The following DOT1L variants were observed in gnomAD, a reference collection of about 807,000 sequenced individuals.
The protein encoded by DOT1L is histone-lysine N-methyltransferase, H3 lysine-79 specific.
DOT1L carries 33 observed loss-of-function variants against 153.3 expected under a neutral mutation model. The ratio of observed to expected loss-of-function variants is 0.22; its 90% confidence interval spans 0.16 to 0.29. The LOEUF is 0.29. DOT1L is among the 10% of genes least tolerant of loss of function. DOT1L has a pLI of 1.00. For synonymous variants in DOT1L, 1,135 were observed against 965.1 expected (o/e 1.18, Z -3.26); for missense variants, 1,847 against 2,119.9 (o/e 0.87, Z 2.53).
chr19:2,228,700 T>A, intron 27 of DOT1L: 1 of 985,358 alleles, frequency 1.0e-6, no homozygotes, highest in Non-Finnish European at 1.2e-6. Context: ...GCCAGGGGGC[T>A]GGGAGCTCTA....
In DOT1L at chr19:2,220,493, C is replaced by T. The variant is rs769848150; in HGVS notation, c.2806+271C>T. ...GGTGTATTAATTCAGCCCGTGAGGT[C>T]GGCCCCAGTGCTCTCGGGGGCTCCT... On this transcript the variant is annotated intron_variant, in intron 23 of 27. Transcript: ENST00000398665. This position sits in a 1 kb window ranked among gnomAD's most constrained non-coding sequence, Gnocchi z 4.5. 3.1e-5 allele frequency: 17 copies of T among 555,242 alleles called. No individual in the cohort carries two copies. The highest frequency in any genetic ancestry group is 9.4e-5 in the African/African-American group (5 of 53,354). 34.4% of individuals were successfully genotyped at this position (555,242 alleles called of 1,614,324 possible). A position where few individuals can be genotyped will look rare whatever the true frequency, so the allele number is the denominator to read the frequency against.
intron 8 of DOT1L, 44 bp from the exon 9 acceptor site, chr19:2,202,656 T>C: frequency 6.3e-7 from 1 of 1,592,308 alleles, no homozygotes; most frequent in Non-Finnish European, 8.6e-7. Context: ...GCTGTGCCCG[T>C]GAGACGAGCC....
chr19:2,219,064 G>T (rs1238310463), intron 22 of DOT1L, among the ~76,000 whole-genome samples: 1 of 152,206 alleles, frequency 6.6e-6, no homozygotes, highest in African/African-American at 2.4e-5. Flanking sequence ...TAGAGACAGG[G>T]TTTCACCATC....
At chr19:2,164,676 TCTC>T (rs1403485027) in intron 1 of DOT1L, among the ~76,000 whole-genome samples, 1 of 150,862 alleles carries the variant, frequency 6.6e-6, no homozygotes, top group Non-Finnish European at 1.5e-5. Flanking sequence ...TGTCTCCTCT[TCTC>T]TTCTTTTTAA....
At chr19:2,225,323 A>G (rs2024281483) in intron 25 of DOT1L, 65 bp from the exon 26 acceptor site, 10 of 1,511,162 alleles carry the variant, frequency 6.6e-6, no homozygotes, top group Admixed American at 1.7e-5. Flanking sequence ...GTTGGCTGTC[A>G]GCATTTGTGT....
intron 1 of DOT1L, among the ~76,000 whole-genome samples, chr19:2,176,067 G>T (rs36051469): frequency 4.4e-4 from 67 of 152,222 alleles, no homozygotes; most frequent in African/African-American, 1.3e-3. Context: ...TGCTGGAAAC[G>T]CCTCTTGGCC....
At chr19:2,176,914 C>T (rs2144681590) in intron 1 of DOT1L, among the ~76,000 whole-genome samples, 1 of 152,330 alleles carries the variant, frequency 6.6e-6, no homozygotes, top group East Asian at 1.9e-4. Context: ...GCCGTGGGCC[C>T]TGACAGTGAG....
intron 2 of DOT1L, among the ~76,000 whole-genome samples, chr19:2,184,744 C>T (rs144639323): frequency 1.2e-4 from 18 of 152,324 alleles, no homozygotes; most frequent in African/African-American, 3.8e-4. Flanking sequence ...TCCGTACTCG[C>T]CCACACGGGG....
At chr19:2,223,543 G>A in intron 25 of DOT1L, 57 bp downstream of exon 25, 1 of 617,434 alleles carries the variant, frequency 1.6e-6, no homozygotes, top group South Asian at 1.8e-5. Context: ...GGAGGTGCCT[G>A]CTCACTGTGT....
intron 2 of DOT1L, among the ~76,000 whole-genome samples, chr19:2,184,598 C>T (rs929911771): frequency 4.6e-5 from 7 of 152,146 alleles, no homozygotes; most frequent in Non-Finnish European, 8.8e-5. Context: ...CAGGTGGCTG[C>T]GGAAGGTGGG....
intron 27 of DOT1L, chr19:2,229,439 C>G (rs1218359576): frequency 2.0e-6 from 2 of 985,350 alleles, no homozygotes; most frequent in Non-Finnish European, 2.4e-6. Context: ...CAGGGCTGGT[C>G]AGCCTGGCGG....
rs1220054287 is a variant in DOT1L at position 2,190,400 on chromosome 19, T to C, written c.264+605T>C. Among the ~76,000 whole-genome samples, 1 of 151,496 alleles carries C rather than the reference T, an allele frequency of 6.6e-6. No homozygotes were observed. The highest frequency in any genetic ancestry group is 2.4e-5 in the African/African-American group (1 of 41,192). On this transcript the variant is annotated intron_variant, in intron 4 of 27. Transcript: ENST00000398665. The surrounding 1 kb of genome is among the most constrained non-coding windows in gnomAD (Gnocchi z 4.8). ...GCTGTGGAGGGAGCCCTGGTGGGGG[T>C]GGCATGGGCTCACTTGGCCCTCCTG...
intron 15 of DOT1L, 47 bp downstream of exon 15, chr19:2,211,259 A>G (rs1262751297): frequency 6.6e-7 from 1 of 1,506,592 alleles, no homozygotes; most frequent in Non-Finnish European, 9.0e-7. Context: ...GCTTGGGGTC[A>G]TCCCAGGAGG....
Position 2,217,047 on chromosome 19 carries a change from C to A in DOT1L, c.2501C>A (p.Ser834Tyr), listed in dbSNP as rs750665206. 6 of 1,611,572 alleles carry A rather than the reference C, an allele frequency of 3.7e-6. No homozygotes were observed. In the African/African-American group the frequency reaches 5.3e-5, roughly 14 times the overall value. The part of the protein sequence containing the change: ...KLSPQDPRPL[S>Y]PGALQLAGEK... ...AGCCCTCAGGACCCGCGGCCCCTGT[C>A]CCCTGGGGCCTTGCAGCTTGCTGGA... Residue 834 changes from serine (S) to tyrosine (Y), a missense_variant, in exon 21 of 28, where the codon TCC (serine) becomes TAC (tyrosine). Coordinates refer to ENST00000398665, the MANE Select transcript of DOT1L (RefSeq NM_032482.3). The surrounding 1 kb of genome is among the most constrained non-coding windows in gnomAD (Gnocchi z 7.3).
rs2024084985 is a variant in DOT1L, at chr19:2,220,695, C to G, written c.2806+473C>G. On this transcript the variant is annotated intron_variant, in intron 23 of 27. Coordinates refer to ENST00000398665, the MANE Select transcript of DOT1L (RefSeq NM_032482.3). This position sits in a 1 kb window ranked among gnomAD's most constrained non-coding sequence, Gnocchi z 4.5. ...TTCTGCAGAGAGCCAGAGAGGATGC[C>G]ACTTTGGCTTTTGTTGACACTGCAG... 1.9e-5 allele frequency: 7 copies of G among 363,998 alleles called. No individual in the cohort carries two copies. The highest frequency in any genetic ancestry group is 1.4e-4 in the South Asian group (7 of 49,410). The allele number at this position is 363,998 out of a possible 1,614,324, so 22.5% of individuals were successfully genotyped here.
intron 1 of DOT1L, among the ~76,000 whole-genome samples, chr19:2,169,289 G>A (rs2020040472): frequency 6.6e-6 from 1 of 152,130 alleles, no homozygotes; most frequent in Non-Finnish European, 1.5e-5. Flanking sequence ...CAGCTCCCCC[G>A]GAGGCAGATT....
Position 2,216,485 on chromosome 19 carries a change from G to C in DOT1L, c.2128G>C (p.Glu710Gln), listed in dbSNP as rs2023905563. The C allele has an allele frequency of 6.2e-7, 1 of 1,612,662 alleles. No individual in the cohort carries two copies. The highest frequency in any genetic ancestry group is 8.5e-7 in the Non-Finnish European group (1 of 1,179,958). ...SLPHLSSMSPELSMNGQAAGY... is the reference protein window; with the variant it reads ...SLPHLSSMSPQLSMNGQAAGY... ...GCCTCACTTGAGCAGCATGAGCCCG[G>C]AGCTCTCCATGAACGGCCAGGCTGC... Residue 710 changes from glutamate (E) to glutamine (Q), a missense_variant, in exon 20 of 28, where the codon GAG becomes CAG. By Grantham distance (29) the Glu-to-Gln change is conservative (BLOSUM62 2). Coordinates refer to ENST00000398665, the MANE Select transcript of DOT1L (RefSeq NM_032482.3).
At position 2,169,680 on chromosome 19, in the gene DOT1L, G is replaced by T. The variant is rs548400227; in HGVS notation, c.81+5415G>T. 3.3e-5 allele frequency among the ~76,000 whole-genome samples: 5 copies of T among 152,196 alleles called. No individual in the cohort carries two copies. In the South Asian group the frequency reaches 6.2e-4, roughly 19 times the overall value. On this transcript the variant is annotated intron_variant, in intron 1 of 27. Coordinates refer to ENST00000398665, the MANE Select transcript of DOT1L (RefSeq NM_032482.3). ...AGCTCTTTTTTTCCTTTAAAAATCT[G>T]CTTGTTATCTGCTGCTCATCAGAGT...
At position 2,191,555 on chromosome 19, in the gene DOT1L, C is replaced by T. The variant is rs1441404684; in HGVS notation, c.493+315C>T. Among the ~76,000 whole-genome samples, 4 of 152,058 alleles carry T rather than the reference C, an allele frequency of 2.6e-5. No individual in the cohort carries two copies. Among genetic ancestry groups the T allele is most frequent in the Admixed American group, 1.3e-4 (2 of 15,276 alleles). Reference sequence around the variant, plus strand: ...CTAGACCTGTGCACCCTCTACTGCTCGCTCCCAGAAGCTGCCACTCGCTAG... The same window carrying T: ...CTAGACCTGTGCACCCTCTACTGCTTGCTCCCAGAAGCTGCCACTCGCTAG... On this transcript the variant is annotated intron_variant, in intron 5 of 27. Transcript: ENST00000398665. This position sits in a 1 kb window ranked among gnomAD's most constrained non-coding sequence, Gnocchi z 6.8.
Sources: allele counts gnomAD v4.1 joint callset (sites outside exome capture counted in the v4.1 genomes callset), GRCh38; gene constraint gnomAD v4.1.1; non-coding constraint Gnocchi (gnomAD v3.1); transcripts MANE v1.5; gene names NCBI Gene and HGNC (gene_info 2026-07-23, HGNC 2026-07-21).